Variants in CLCNKB observed in about 807,000 individuals in gnomAD.
CLCNKB encodes chloride channel protein ClC-Kb.
Under a neutral mutation model 83.8 loss-of-function variants are expected in CLCNKB, and 74 were observed. The ratio of observed to expected loss-of-function variants is 0.88; its 90% CI spans 0.73 to 1.07. The LOEUF (loss-of-function observed/expected upper bound fraction) is 1.07, where lower values mean the gene tolerates loss of function less well. Among genes scored for constraint, CLCNKB ranks in the 50% least tolerant of loss-of-function variants. The pLI, the probability that CLCNKB is intolerant of heterozygous loss-of-function variation, is 0.00. For missense variants in CLCNKB, 798 were observed against 893.6 expected (o/e 0.89, Z 1.36); for synonymous variants, 358 against 356.6 (o/e 1.00, Z -0.04).
In CLCNKB at chr1:16,049,851, C is replaced by T. The variant is rs1366800200; in HGVS notation, c.903C>T (p.Phe301=). The T allele has an allele frequency of 6.2e-7, 1 of 1,613,854 alleles. No homozygotes were observed. Among genetic ancestry groups the T allele is most frequent in the East Asian group, 2.2e-5 (1 of 44,864 alleles). ...LCGILGSAYL[F]CQRIFFGFIR... is the part of the protein sequence containing the mutation. ...GCATCCTGGGCAGCGCTTACCTCTT[C>T]TGTCAGCGAATCTTCTTTGGCTTCA... Residue 301 remains phenylalanine (F), a synonymous_variant, in exon 10 of 20, where the codon TTC becomes TTT. Transcript: ENST00000375679.
intron 15 of CLCNKB, 97 bp from the exon 16 acceptor site, chr1:16,053,542 G>C (rs2023355681): frequency 6.3e-7 from 1 of 1,575,808 alleles, no homozygotes; most frequent in African/African-American, 1.4e-5. Flanking sequence ...CAGAGCCGTG[G>C]GTCCCCGGTT....
At chr1:16,053,189 A>G (rs960207012) in intron 15 of CLCNKB, among the ~76,000 whole-genome samples, 1 of 152,078 alleles carries the variant, frequency 6.6e-6, no homozygotes, top group African/African-American at 2.4e-5. Flanking sequence ...CACCATGCCC[A>G]GATTATTTTT....
chr1:16,048,659 G>A (rs1432171891), intron 7 of CLCNKB, 77 bp downstream of exon 7: 4 of 1,593,910 alleles, frequency 2.5e-6, no homozygotes, highest in South Asian at 2.2e-5. Context: ...CGGCCCAGCT[G>A]AGAGCCTGGA....
intron 18 of CLCNKB, among the ~76,000 whole-genome samples, 197 bp from the exon 19 acceptor site, chr1:16,056,225 C>A (rs1230470381): frequency 6.6e-6 from 1 of 152,086 alleles, no homozygotes. Flanking sequence ...GTCCTGTTTA[C>A]CTGCGGCCCC....
At position 16,053,751 on chromosome 1, in the gene CLCNKB, T is replaced by A; in HGVS notation, c.1735T>A (p.Tyr579Asn). 1 of 1,613,742 alleles carries A rather than the reference T, an allele frequency of 6.2e-7. No homozygotes were observed. Reference sequence around the variant, plus strand: ...TGTGACCTCCACAGACGTGGCCAAGTATCCCCTGGTGGAGAGCACAGGTGC... The same window carrying A: ...TGTGACCTCCACAGACGTGGCCAAGAATCCCCTGGTGGAGAGCACAGGTGC... ...KVVTSTDVAK[Y>N]PLVESTESQI... Residue 579 changes from tyrosine to asparagine, a missense_variant, in exon 16 of 20, where the codon TAT becomes AAT. By Grantham distance (143) the Tyr-to-Asn change is moderately radical. Coordinates refer to ENST00000375679, the MANE Select transcript of CLCNKB (RefSeq NM_000085.5).
In CLCNKB at chr1:16,049,017, G is replaced by A; in HGVS notation, c.656-103G>A. On this transcript the variant is annotated intron_variant, in intron 7 of 19. Coordinates refer to ENST00000375679, the MANE Select transcript of CLCNKB (RefSeq NM_000085.5). ...GTCTGTCCCTGTCCGGGCTGCAGGA[G>A]AGCAGGACAGATGGGTCAGGGAGGA... 3 of 1,608,746 alleles carry A rather than the reference G, an allele frequency of 1.9e-6. No individual in the cohort carries two copies. In the African/African-American group the frequency reaches 4.0e-5, roughly 21 times the overall value.
chr1:16,045,763 C>A, intron 3 of CLCNKB, 77 bp downstream of exon 3: 1 of 1,444,492 alleles, frequency 6.9e-7, no homozygotes, highest in Non-Finnish European at 9.5e-7. Context: ...TGGATGTCGC[C>A]AGGTGCAGCG....
chr1:16,051,445 C>CT, intron 12 of CLCNKB, 33 bp from the exon 13 acceptor site: 1 of 1,612,820 alleles, frequency 6.2e-7, no homozygotes, highest in South Asian at 1.1e-5. Flanking sequence ...CCAGCAGCCT[C>CT]TAACCTCTGC....
rs1462830350 is a variant in CLCNKB at position 16,044,707 on chromosome 1, G to C, written c.100+115G>C. The C allele has an allele frequency of 3.4e-6, 3 of 888,102 alleles. No homozygotes were observed. The African/African-American group carries it at 4.9e-5, about 15-fold the overall frequency. 55.0% of individuals were successfully genotyped at this position (888,102 alleles called of 1,614,324 possible). The stretch of plus-strand genomic sequence containing the variant: ...CCACCCTCCTCCTGGCATTTGTCCA[G>C]GACATGACTGCCCAAAGTCTCCTGG... On this transcript the variant is annotated intron_variant, in intron 2 of 19. Coordinates refer to ENST00000375679, the MANE Select transcript of CLCNKB (RefSeq NM_000085.5).
Position 16,051,698 on chromosome 1 carries a change from G to A in CLCNKB, c.1298-12G>A. The A allele has an allele frequency of 6.2e-7, 1 of 1,612,794 alleles. No homozygotes were observed. The highest frequency in any genetic ancestry group is 1.3e-5 in the African/African-American group (1 of 74,964). On this transcript the variant is annotated splice_polypyrimidine_tract_variant and intron_variant, in intron 13 of 19. Transcript: ENST00000375679. ...TCAGCCTGGCTCCCCCTCACCCTAA[G>A]TCTGTGGCCAGGAGCTGCTATCGGG...
chr1:16,046,919 A>G (rs1474570581), intron 4 of CLCNKB, among the ~76,000 whole-genome samples: 2 of 152,182 alleles, frequency 1.3e-5, no homozygotes, highest in African/African-American at 4.8e-5. Context: ...TCCAGTGGCC[A>G]GTGCCAGGGA....
rs1380759827 is a variant in CLCNKB, at chr1:16,053,687, A to G, written c.1671A>G (p.Thr557=). The G allele has an allele frequency of 5.6e-6, 9 of 1,613,750 alleles. No homozygotes were observed. In the East Asian group the frequency reaches 1.8e-4, roughly 32 times the overall value. Residue 557 remains threonine (T), a synonymous_variant, in exon 16 of 20, where the codon ACA becomes ACG. Transcript: ENST00000375679. Reference sequence around the variant, plus strand: ...ACTTCATGAACCACAGCATCACCACACTGGCCAAGGACATGCCACTGGAGG... The same window carrying G: ...ACTTCATGAACCACAGCATCACCACGCTGGCCAAGGACATGCCACTGGAGG... ...VEHFMNHSIT[T]LAKDMPLEEV... is the part of the protein sequence containing the mutation.
Position 16,057,246 on chromosome 1 carries a change from GC to G in CLCNKB, c.*332del, listed in dbSNP as rs1253096588. On this transcript the variant is annotated 3_prime_UTR_variant, in exon 20 of 20. Coordinates refer to ENST00000375679, the MANE Select transcript of CLCNKB (RefSeq NM_000085.5). ...ACTGTCACCAAGGGCAGGCACAGATGCCTTCTGGGGTTGTCTGGTTCCCAGT... is the reference window on the plus strand; with the variant it reads ...ACTGTCACCAAGGGCAGGCACAGATGCTTCTGGGGTTGTCTGGTTCCCAGT... The G allele has an allele frequency of 1.5e-6, 1 of 675,148 alleles. No homozygotes were observed. Among genetic ancestry groups the G allele is most frequent in the East Asian group, 2.9e-5 (1 of 34,360 alleles). The allele number at this position is 675,148 out of a possible 1,614,324, so 41.8% of individuals were successfully genotyped here.
At chr1:16,055,257 G>A (rs2023403167) in intron 16 of CLCNKB, among the ~76,000 whole-genome samples, 178 bp from the exon 17 acceptor site, 2 of 152,188 alleles carry the variant, frequency 1.3e-5, no homozygotes, top group Admixed American at 6.5e-5. Flanking sequence ...CCTTGGGCAA[G>A]ACAATTAGCC....
In CLCNKB at chr1:16,049,065, A is replaced by ACAGT. The variant is rs1287100133; in HGVS notation, c.656-52_656-49dup. 4.3e-6 allele frequency: 7 copies of ACAGT among 1,613,062 alleles called. No individual in the cohort carries two copies. The Admixed American group carries it at 8.3e-5, about 19-fold the overall frequency. ...GGAGGTGACATGGGGAGGGGGTCCT[A>ACAGT]CAGTCACAGGTGGGTGGGGGTGGAG... On this transcript the variant is annotated intron_variant, in intron 7 of 19. Transcript: ENST00000375679.
chr1:16,057,292 T>G lies in CLCNKB; in HGVS notation c.*376T>G. 1.7e-6 allele frequency: 1 copy of G among 580,226 alleles called. No homozygotes were observed. The highest frequency in any genetic ancestry group is 3.4e-6 in the Non-Finnish European group (1 of 297,028). The allele number at this position is 580,226 out of a possible 1,614,324, so 35.9% of individuals were successfully genotyped here. A position where few individuals can be genotyped will look rare whatever the true frequency, so the allele number is the denominator to read the frequency against. On this transcript the variant is annotated 3_prime_UTR_variant, in exon 20 of 20. Coordinates refer to ENST00000375679, the MANE Select transcript of CLCNKB (RefSeq NM_000085.5). ...CCCAGTGAGAGGCTCCTGAGAAAAATAAAGCTGGTTCCCAGAGCTGGTGTC... is the reference window on the plus strand; with the variant it reads ...CCCAGTGAGAGGCTCCTGAGAAAAAGAAAGCTGGTTCCCAGAGCTGGTGTC...
intron 4 of CLCNKB, among the ~76,000 whole-genome samples, chr1:16,047,701 T>G (rs1261707381): frequency 6.6e-6 from 1 of 152,144 alleles, no homozygotes; most frequent in African/African-American, 2.4e-5. Context: ...CCCTGGCAAC[T>G]GAGGCTGCTG....
chr1:16,048,223 G>C, intron 5 of CLCNKB, 120 bp from the exon 6 acceptor site: 2 of 1,461,338 alleles, frequency 1.4e-6, no homozygotes, highest in Non-Finnish European at 1.9e-6. Context: ...AGCCATCTGA[G>C]GACGGCCGTG....
In CLCNKB at chr1:16,045,614, C is replaced by G. The variant is rs2023077046; in HGVS notation, c.157C>G (p.Leu53Val). 1 of 1,613,982 alleles carries G rather than the reference C, an allele frequency of 6.2e-7. No individual in the cohort carries two copies. The highest frequency in any genetic ancestry group is 1.3e-5 in the African/African-American group (1 of 74,922). The change falls in exon 3 of 20, where the codon CTG becomes GTG. Residue 53 changes from leucine to valine, a missense_variant. By Grantham distance (32) the Leu-to-Val change is conservative. Coordinates refer to ENST00000375679, the MANE Select transcript of CLCNKB (RefSeq NM_000085.5). ...CCGCCTGGGCGAGGACTGGTACTTC[C>G]TGATGACCCTCGGGGTGCTCATGGC... is the stretch of plus-strand genomic sequence containing the variant. Reference protein sequence around the residue: ...LFRLGEDWYFLMTLGVLMALV... With the variant: ...LFRLGEDWYFVMTLGVLMALV...
Sources: gnomAD v4.1 joint callset for allele counts (sites outside exome capture counted in the v4.1 genomes callset) on GRCh38, gnomAD v4.1.1 for gene constraint, MANE v1.5 for transcripts, NCBI Gene and HGNC (gene_info 2026-07-23, HGNC 2026-07-21) for gene names.